FTCD: variants seen among roughly 807,000 people sequenced by gnomAD.
FTCD encodes formimidoyltransferase-cyclodeaminase.
In FTCD, 76 loss-of-function variants were observed where a neutral mutation model predicts 62.9. That is an observed-to-expected ratio of 1.21 (90% CI 1.00 to 1.46). FTCD has a LOEUF of 1.46. Ranked by LOEUF, FTCD falls within the 40% of genes most tolerant of loss-of-function variation. FTCD has a pLI of 0.00. For missense variants in FTCD, 845 were observed against 751.3 expected (o/e 1.12, Z -1.46); for synonymous variants, 397 against 336.9 (o/e 1.18, Z -1.95).
intron 3 of FTCD, 174 bp downstream of exon 3, chr21:46,152,733 C>T (rs763535452): frequency 1.6e-4 from 93 of 592,274 alleles, no homozygotes; most frequent in Middle Eastern, 1.6e-3. Context: ...CGGCCGCAGG[C>T]GAGGCTGCGT....
In FTCD at chr21:46,137,249, A is replaced by C; in HGVS notation, c.1529T>G (p.Phe510Cys). 1 of 1,612,256 alleles carries C rather than the reference A, an allele frequency of 6.2e-7. No individual in the cohort carries two copies. Among genetic ancestry groups the C allele is most frequent in the Non-Finnish European group, 8.5e-7 (1 of 1,178,516 alleles). ...INLRDITDEA[F>C]KDQIHHRVSS... ...CTGCCTCCTGCTCACCTGGTCCTTA[A>C]ATGCCTCGTCTGTGATGTCCCTCAG... The change falls in exon 13 of 14, where the codon TTT (phenylalanine) becomes TGT (cysteine). Residue 510 changes from phenylalanine to cysteine, a missense_variant. Phe to Cys is a radical substitution (Grantham distance 205, BLOSUM62 -2). Coordinates refer to ENST00000397746, the MANE Select transcript of FTCD (RefSeq NM_206965.2).
chr21:46,138,891 C>G lies in FTCD; in HGVS notation c.1293G>C (p.Glu431Asp), dbSNP rs769728202. The G allele has an allele frequency of 1.4e-5, 22 of 1,612,748 alleles. No homozygotes were observed. Among genetic ancestry groups the G allele is most frequent in the Non-Finnish European group, 1.7e-5 (20 of 1,178,992 alleles). Residue 431 changes from glutamate to aspartate, a missense_variant, in exon 11 of 14, where the codon GAG becomes GAC. Glu to Asp is a conservative substitution (Grantham distance 45). Coordinates refer to ENST00000397746, the MANE Select transcript of FTCD (RefSeq NM_206965.2). ...CCCTCCAGGCTCACCTGTCCTTTTC[C>G]TCAGGTGTGTTCTTGGGGAGCCTCA... Reference protein sequence around the residue: ...EAMRLPKNTPEEKDRRTAALQ... With the variant: ...EAMRLPKNTPDEKDRRTAALQ...
intron 3 of FTCD, chr21:46,152,641 T>C (rs1467945462): frequency 1.5e-5 from 6 of 410,512 alleles, no homozygotes; most frequent in Non-Finnish European, 2.6e-5. Flanking sequence ...ATTATTCTGC[T>C]CTAGAAGGCG....
Position 46,151,917 on chromosome 21 carries a change from C to A in FTCD, c.431G>T (p.Gly144Val). The A allele has an allele frequency of 6.4e-7, 1 of 1,568,170 alleles. No individual in the cohort carries two copies. Among genetic ancestry groups the A allele is most frequent in the East Asian group, 2.4e-5 (1 of 42,260 alleles). ...SRRTLPAIRA[G>V]EYEALPKKLQ... ...CTTCTTAGGGAGGGCCTCGTACTCC[C>A]CGGCCCGGATGGCCGGCAGGGTCCG... The change falls in exon 4 of 14, where the codon GGG becomes GTG. Residue 144 changes from glycine to valine, a missense_variant. Coordinates refer to ENST00000397746, the MANE Select transcript of FTCD (RefSeq NM_206965.2).
rs755340941 is a variant in FTCD, at chr21:46,138,911, G to A, written c.1273C>T (p.Leu425Phe). 32 of 1,612,756 alleles carry A rather than the reference G, an allele frequency of 2.0e-5. No individual in the cohort carries two copies. The East Asian group carries it at 6.0e-4, about 30-fold the overall frequency. The change falls in exon 11 of 14, where the codon CTC becomes TTC. Residue 425 changes from leucine to phenylalanine, a missense_variant. By Grantham distance (22) the Leu-to-Phe change is conservative (BLOSUM62 0). Transcript: ENST00000397746. ...AFTAYLEAMR[L>F]PKNTPEEKDR... The stretch of plus-strand genomic sequence containing the variant: ...TTTTCCTCAGGTGTGTTCTTGGGGA[G>A]CCTCATTGCTTCCTGCCATAAAGAG...
intron 10 of FTCD, among the ~76,000 whole-genome samples, chr21:46,143,202 C>T (rs1361560990): frequency 6.6e-6 from 1 of 152,196 alleles, no homozygotes; most frequent in East Asian, 1.9e-4. Flanking sequence ...GACTTCCCAA[C>T]TTAGGGCTGG....
chr21:46,142,764 T>TG (rs1190948576), intron 10 of FTCD: 11 of 152,272 alleles, frequency 7.2e-5, no homozygotes, highest in Non-Finnish European at 1.6e-4. Flanking sequence ...GCCCACATCC[T>TG]GCTGATTGGT....
At chr21:46,153,705 C>A (rs537306842) in intron 2 of FTCD, among the ~76,000 whole-genome samples, 11 of 152,258 alleles carry the variant, frequency 7.2e-5, no homozygotes, top group Non-Finnish European at 1.3e-4. Context: ...CCCTGGCCAG[C>A]GCCCGTGTGT....
intron 10 of FTCD, among the ~76,000 whole-genome samples, chr21:46,141,004 T>C (rs1404411017): frequency 2.0e-5 from 3 of 152,274 alleles, no homozygotes; most frequent in African/African-American, 4.8e-5. Flanking sequence ...TCCCCGCTCA[T>C]GGTTCTCTAA....
chr21:46,147,289 GA>G (rs35123061), intron 7 of FTCD, among the ~76,000 whole-genome samples: 12 of 147,878 alleles, frequency 8.1e-5, no homozygotes, highest in East Asian at 4.0e-4. Context: ...GGTGAAGCAG[GA>G]AAAAAAAAAA....
intron 3 of FTCD, 96 bp downstream of exon 3, chr21:46,152,811 G>T: frequency 9.7e-7 from 1 of 1,025,706 alleles, no homozygotes; most frequent in Non-Finnish European, 1.4e-6. Context: ...CCTTGCAAGA[G>T]CAGTCAAGGG....
chr21:46,136,573 GT>G, downstream of FTCD: 2 of 1,570,372 alleles, frequency 1.3e-6, no homozygotes, highest in Non-Finnish European at 1.7e-6. Context: ...TGAACCCCAG[GT>G]CCTCTGAATA....
At chr21:46,138,800 CA>C (rs1335394477) in intron 11 of FTCD, 79 bp downstream of exon 11, 1 of 1,448,644 alleles carries the variant, frequency 6.9e-7, no homozygotes, top group Non-Finnish European at 9.7e-7. Flanking sequence ...CGCCCCGTCA[CA>C]GCACCCAGGT....
chr21:46,140,538 G>C (rs1038912997), intron 10 of FTCD, among the ~76,000 whole-genome samples: 1 of 146,096 alleles, frequency 6.8e-6, no homozygotes, highest in Non-Finnish European at 1.5e-5. Context: ...TTGCTCAGAG[G>C]GAGTGTAAAC....
At chr21:46,153,363 C>CA (rs913468901) in intron 2 of FTCD, among the ~76,000 whole-genome samples, 2 of 152,218 alleles carry the variant, frequency 1.3e-5, no homozygotes, top group South Asian at 2.1e-4. Flanking sequence ...CTAACACTCA[C>CA]AAAAATAACT....
intron 10 of FTCD, 131 bp downstream of exon 10, chr21:46,145,286 G>T: frequency 1.4e-6 from 1 of 720,434 alleles, no homozygotes; most frequent in East Asian, 2.7e-5. Flanking sequence ...AGCGGCCAGT[G>T]GTGACGCCCT....
chr21:46,154,246 G>T lies in FTCD; in HGVS notation c.141C>A (p.Thr47=). The part of the protein sequence containing the change: ...DVDAGPSTNR[T]VYTFVGPPEC... ...CCGGCGGCCCCACGAAGGTGTACAC[G>T]GTGCGGTTGGTGGAAGGGCCTGCGT... Residue 47 remains threonine (T), a synonymous_variant, in exon 2 of 14, where the codon ACC becomes ACA. Coordinates refer to ENST00000397746, the MANE Select transcript of FTCD (RefSeq NM_206965.2). 1 of 1,612,732 alleles carries T rather than the reference G, an allele frequency of 6.2e-7. No homozygotes were observed. The highest frequency in any genetic ancestry group is 8.5e-7 in the Non-Finnish European group (1 of 1,179,954).
intron 12 of FTCD, 118 bp downstream of exon 12, chr21:46,138,390 A>T (rs1165709303): frequency 1.0e-6 from 1 of 962,456 alleles, no homozygotes; most frequent in Non-Finnish European, 1.6e-6. Context: ...ACTGCCCGTG[A>T]AGTGAGGTCT....
intron 10 of FTCD, chr21:46,142,794 T>C (rs2079050800): frequency 6.6e-6 from 1 of 152,200 alleles, no homozygotes; most frequent in African/African-American, 2.4e-5. Flanking sequence ...AGAGTGCTGA[T>C]TGGTCCATTT....
Sources: allele counts gnomAD v4.1 joint callset (sites outside exome capture counted in the v4.1 genomes callset), GRCh38; gene constraint gnomAD v4.1.1; transcripts MANE v1.5; gene names NCBI Gene and HGNC (gene_info 2026-07-23, HGNC 2026-07-21).